PDK1: variants seen among roughly 807,000 people sequenced by gnomAD.
PDK1 encodes the protein [Pyruvate dehydrogenase (acetyl-transferring)] kinase isozyme 1, mitochondrial.
In PDK1, 39 loss-of-function variants were observed where a neutral mutation model predicts 54.2. The ratio of observed to expected loss-of-function variants is 0.72; its 90% CI spans 0.56 to 0.94. PDK1 has a LOEUF of 0.94. Ranked by LOEUF, PDK1 falls within the 40% of genes least tolerant of loss-of-function variation. The pLI, the probability that PDK1 is intolerant of heterozygous loss-of-function variation, is 0.00. For missense variants in PDK1, 552 were observed against 566.0 expected, an observed-to-expected ratio of 0.98 and a Z score of 0.25; for synonymous variants, 221 against 207.1, an observed-to-expected ratio of 1.07 and a Z score of -0.58.
intron 8 of PDK1, among the ~76,000 whole-genome samples, chr2:172,585,363 T>G (rs1690165799): frequency 6.9e-6 from 1 of 144,290 alleles, no homozygotes; most frequent in Non-Finnish European, 1.5e-5. Flanking sequence ...TCTTGCTCTG[T>G]CACCCACGCT....
the PDK1 span, among the ~76,000 whole-genome samples, chr2:172,644,964 T>C: frequency 1.3e-5 from 2 of 150,904 alleles, no homozygotes; most frequent in African/African-American, 4.8e-5. Flanking sequence ...AATATTACTA[T>C]GACAGTACTA....
At chr2:172,614,056 A>C in the PDK1 span, among the ~76,000 whole-genome samples, 5 of 152,060 alleles carry the variant, frequency 3.3e-5, no homozygotes, top group African/African-American at 4.8e-5. Flanking sequence ...GACAAGCAGG[A>C]GCCCTGCCCC....
rs1484846125 is a variant in PDK1, at chr2:172,602,834, T to G, written c.*6865T>G. The G allele has an allele frequency of 6.6e-6, 1 of 152,164 alleles. No individual in the cohort carries two copies. 9.4% of individuals were successfully genotyped at this position (152,164 alleles called of 1,614,324 possible). On this transcript the variant is annotated 3_prime_UTR_variant, in exon 11 of 11. Coordinates refer to ENST00000282077, the MANE Select transcript of PDK1 (RefSeq NM_002610.5). ...TTGGAGAAAAAGGTCCCTTTAATCT[T>G]AAAACCAACTCTCAGTGACCAACAA...
chr2:172,721,769 G>C, the PDK1 span, among the ~76,000 whole-genome samples: 11 of 152,214 alleles, frequency 7.2e-5, no homozygotes, highest in Admixed American at 3.3e-4. Context: ...GACCAGCTAG[G>C]AAAAGGCCAG....
chr2:172,675,186 A>G, the PDK1 span, among the ~76,000 whole-genome samples: 3 of 152,144 alleles, frequency 2.0e-5, no homozygotes, highest in African/African-American at 7.2e-5. Flanking sequence ...CGGCCTCCCC[A>G]TTCCCTGAGA....
At chr2:172,556,054 C>A (rs951710633), upstream of PDK1, 5 of 945,982 alleles carry the variant, frequency 5.3e-6, no homozygotes, top group African/African-American at 3.5e-5. Flanking sequence ...GACAGCCGAT[C>A]CCCGCCCCTG....
At chr2:172,714,536 G>A in the PDK1 span, among the ~76,000 whole-genome samples, 1 of 151,512 alleles carries the variant, frequency 6.6e-6, no homozygotes, top group African/African-American at 2.4e-5. Context: ...AAAGCTGAGT[G>A]GTAAAATTTT....
chr2:172,707,663 G>A, the PDK1 span, among the ~76,000 whole-genome samples: 37 of 152,230 alleles, frequency 2.4e-4, no homozygotes, highest in South Asian at 4.2e-4. Context: ...TCTTATGTTC[G>A]TTTTATATAT....
downstream of PDK1, among the ~76,000 whole-genome samples, chr2:172,611,343 A>G (rs1225267372): frequency 2.0e-5 from 3 of 152,210 alleles, no homozygotes; most frequent in Non-Finnish European, 4.4e-5. Flanking sequence ...GGATGAAATA[A>G]TGTGCATAGT....
chr2:172,710,846 A>G, the PDK1 span, among the ~76,000 whole-genome samples: 2 of 152,242 alleles, frequency 1.3e-5, no homozygotes, highest in Non-Finnish European at 2.9e-5. Flanking sequence ...TCTAATTCTC[A>G]GTCGAGTGAG....
At chr2:172,706,670 C>A in the PDK1 span, among the ~76,000 whole-genome samples, 1 of 152,190 alleles carries the variant, frequency 6.6e-6, no homozygotes, top group Non-Finnish European at 1.5e-5. Context: ...CTCAAGTGAT[C>A]TGCCCGCCTC....
the PDK1 span, among the ~76,000 whole-genome samples, chr2:172,635,005 T>A: frequency 6.6e-6 from 1 of 152,096 alleles, no homozygotes; most frequent in African/African-American, 2.4e-5. Flanking sequence ...CCCCCTCAAA[T>A]CAAGCACAAC....
chr2:172,562,507 A>C (rs1017628053), intron 3 of PDK1, among the ~76,000 whole-genome samples: 1 of 152,234 alleles, frequency 6.6e-6, no homozygotes, highest in African/African-American at 2.4e-5. Context: ...TGTGATGATC[A>C]GTGGAAATGT....
At chr2:172,584,711 G>GT (rs1273563828) in intron 8 of PDK1, among the ~76,000 whole-genome samples, 1 of 145,624 alleles carries the variant, frequency 6.9e-6, no homozygotes, top group Non-Finnish European at 1.5e-5. Flanking sequence ...TTGGAGTACA[G>GT]TGGTGAGATC....
At chr2:172,629,307 A>G in the PDK1 span, among the ~76,000 whole-genome samples, 1 of 152,200 alleles carries the variant, frequency 6.6e-6, no homozygotes, top group Non-Finnish European at 1.5e-5. Context: ...GCCTTTTCCA[A>G]AACCATCCTG....
the PDK1 span, among the ~76,000 whole-genome samples, chr2:172,631,411 C>T: frequency 6.6e-6 from 1 of 152,334 alleles, no homozygotes; most frequent in African/African-American, 2.4e-5. Context: ...ACAGAACCAA[C>T]CTTCTCTGCT....
the PDK1 span, among the ~76,000 whole-genome samples, chr2:172,706,983 C>T: frequency 6.6e-6 from 1 of 152,122 alleles, no homozygotes; most frequent in Non-Finnish European, 1.5e-5. Context: ...CCACTGACAC[C>T]ACCAGCTAGG....
chr2:172,623,481 C>T, the PDK1 span, among the ~76,000 whole-genome samples: 17 of 152,200 alleles, frequency 1.1e-4, no homozygotes, highest in East Asian at 3.3e-3. Flanking sequence ...TTTATAAAAG[C>T]CTGTGGATGC....
intron 6 of PDK1, among the ~76,000 whole-genome samples, chr2:172,568,413 C>A (rs1689076424): frequency 1.3e-5 from 2 of 150,604 alleles, no homozygotes; most frequent in African/African-American, 4.9e-5. Context: ...TTTAACACTT[C>A]TCTATTTGGA....
Sources: gnomAD v4.1 joint callset for allele counts (sites outside exome capture counted in the v4.1 genomes callset) on GRCh38, gnomAD v4.1.1 for gene constraint, MANE v1.5 for transcripts, NCBI Gene and HGNC (gene_info 2026-07-23, HGNC 2026-07-21) for gene names.